Variants in CADPS observed in about 807,000 individuals in gnomAD.
CADPS encodes calcium dependent secretion activator.
CADPS carries 57 observed loss-of-function variants against 167.3 expected under a neutral mutation model. The ratio of observed to expected loss-of-function variants is 0.34; its 90% confidence interval spans 0.28 to 0.42. The LOEUF is 0.42. Among genes scored for constraint, CADPS ranks in the 20% least tolerant of loss-of-function variants. The pLI is 1.00. For missense variants in CADPS, 1,414 were observed against 1,738.1 expected, an observed-to-expected ratio of 0.81 and a Z score of 3.32; for synonymous variants, 676 against 635.3, an observed-to-expected ratio of 1.06 and a Z score of -0.96.
chr3:62,753,419 G>A lies in CADPS; in HGVS notation c.888+22C>T. On this transcript the variant is annotated intron_variant, in intron 3 of 29. Transcript: ENST00000383710. The surrounding 1 kb of genome is among the most constrained non-coding windows in gnomAD (Gnocchi z 4.6). ...CAGCTCTGCTTACCCACAGCTCTAGGCCCAGGCGAGAAACACCTTACCTGG... is the reference window on the plus strand; with the variant it reads ...CAGCTCTGCTTACCCACAGCTCTAGACCCAGGCGAGAAACACCTTACCTGG... 6.4e-7 allele frequency: 1 copy of A among 1,572,058 alleles called. No homozygotes were observed. The highest frequency in any genetic ancestry group is 8.7e-7 in the Non-Finnish European group (1 of 1,148,268).
At chr3:62,694,872 A>T (rs1177409591) in intron 3 of CADPS, among the ~76,000 whole-genome samples, 2 of 152,090 alleles carry the variant, frequency 1.3e-5, no homozygotes, top group East Asian at 3.9e-4. Flanking sequence ...GTCTTACAGA[A>T]TGAAGTAGAT....
chr3:62,749,982 A>G (rs757550829), intron 3 of CADPS, among the ~76,000 whole-genome samples: 9 of 152,196 alleles, frequency 5.9e-5, no homozygotes, highest in Non-Finnish European at 1.2e-4. Context: ...ACTTTAATGC[A>G]TATTATTTTT....
intron 7 of CADPS, among the ~76,000 whole-genome samples, chr3:62,590,572 T>C (rs1362926646): frequency 6.6e-6 from 1 of 152,180 alleles, no homozygotes; most frequent in Non-Finnish European, 1.5e-5. Context: ...TCTCCATCTG[T>C]AGTCTATGCT....
chr3:62,608,158 G>A (rs2060953137), intron 6 of CADPS, among the ~76,000 whole-genome samples: 1 of 152,012 alleles, frequency 6.6e-6, no homozygotes, highest in Admixed American at 6.5e-5. Context: ...CTGGGGCTAT[G>A]TTAAGTTCAC....
intron 1 of CADPS, chr3:62,779,566 A>C (rs1476182424): frequency 1.1e-5 from 6 of 532,616 alleles, no homozygotes; most frequent in Non-Finnish European, 2.3e-5. Context: ...TGCCAGGCTT[A>C]TGGGACATAA....
intron 21 of CADPS, among the ~76,000 whole-genome samples, chr3:62,488,491 TA>T (rs1269622154): frequency 1.1e-4 from 17 of 151,024 alleles, no homozygotes; most frequent in Admixed American, 4.0e-4. Context: ...TTTATTTATT[TA>T]TTTATTATTA....
chr3:62,721,967 T>C (rs954815766), intron 3 of CADPS, among the ~76,000 whole-genome samples: 2 of 152,110 alleles, frequency 1.3e-5, no homozygotes, highest in Non-Finnish European at 2.9e-5. Flanking sequence ...ACCACAGTAA[T>C]AGAAAGCACG....
intron 1 of CADPS, among the ~76,000 whole-genome samples, chr3:62,854,672 C>T (rs969353457): frequency 1.3e-5 from 2 of 152,058 alleles, no homozygotes; most frequent in East Asian, 1.9e-4. Flanking sequence ...ATTGTGTAGT[C>T]GTAAGTAACA....
chr3:62,742,093 G>T (rs977857471), intron 3 of CADPS, among the ~76,000 whole-genome samples: 1 of 152,100 alleles, frequency 6.6e-6, no homozygotes, highest in Admixed American at 6.6e-5. Flanking sequence ...TCTACAAGGA[G>T]AACCACAAAT....
chr3:62,668,946 G>T (rs1212138165), intron 3 of CADPS, among the ~76,000 whole-genome samples: 15 of 152,324 alleles, frequency 9.8e-5, no homozygotes, highest in African/African-American at 3.6e-4. Context: ...CTAACTTCTA[G>T]TTTGCTCTGT....
chr3:62,494,378 C>T (rs1376448311), intron 18 of CADPS, among the ~76,000 whole-genome samples: 5 of 152,182 alleles, frequency 3.3e-5, no homozygotes, highest in Non-Finnish European at 7.3e-5. Flanking sequence ...GAAGTTCCAT[C>T]TCCACCCCTG....
chr3:62,562,560 C>G (rs369006374), intron 9 of CADPS, among the ~76,000 whole-genome samples: 9 of 152,280 alleles, frequency 5.9e-5, no homozygotes, highest in Admixed American at 4.6e-4. Flanking sequence ...GTCTCAGACT[C>G]CTAGCCTCAG....
At chr3:62,538,703 C>T (rs1008428702) in intron 11 of CADPS, among the ~76,000 whole-genome samples, 1 of 152,118 alleles carries the variant, frequency 6.6e-6, no homozygotes, top group Admixed American at 6.6e-5. Flanking sequence ...TACAACTGGT[C>T]ATTTAGCTCA....
At chr3:62,786,818 A>G (rs1468022144) in intron 1 of CADPS, among the ~76,000 whole-genome samples, 1 of 152,136 alleles carries the variant, frequency 6.6e-6, no homozygotes, top group Non-Finnish European at 1.5e-5. Flanking sequence ...TTATTGAATA[A>G]TAACAAGAGA....
chr3:62,802,594 G>T (rs551975171), intron 1 of CADPS, among the ~76,000 whole-genome samples: 1 of 152,112 alleles, frequency 6.6e-6, no homozygotes, highest in Non-Finnish European at 1.5e-5. Context: ...GATGAGGGTC[G>T]ATTTAGAGAC....
intron 1 of CADPS, among the ~76,000 whole-genome samples, chr3:62,783,618 A>G (rs575697331): frequency 1.1e-4 from 17 of 152,338 alleles, no homozygotes; most frequent in Non-Finnish European, 2.1e-4. Context: ...AGACACAATT[A>G]TAAAGTTAGG....
At chr3:62,629,142 T>C (rs1234382931) in intron 6 of CADPS, among the ~76,000 whole-genome samples, 1 of 152,192 alleles carries the variant, frequency 6.6e-6, no homozygotes, top group Non-Finnish European at 1.5e-5. Flanking sequence ...ATCATTTACA[T>C]ATCATAAAAT....
At chr3:62,429,593 G>A (rs1480030962) in intron 28 of CADPS, among the ~76,000 whole-genome samples, 1 of 151,910 alleles carries the variant, frequency 6.6e-6, no homozygotes. Flanking sequence ...CACAAAATGT[G>A]CTTTGGCTAC....
At position 62,465,292 on chromosome 3, in the gene CADPS, A is replaced by G; in HGVS notation, c.3636+75T>C. On this transcript the variant is annotated intron_variant, in intron 26 of 29. Transcript: ENST00000383710. This position sits in a 1 kb window ranked among gnomAD's most constrained non-coding sequence, Gnocchi z 4.1. ...CACACCCATCCCAAAACAAAATGAC[A>G]CAACATAACTCCTCTCCCAAGCCGA... 2.9e-6 allele frequency: 3 copies of G among 1,031,832 alleles called. No individual in the cohort carries two copies. The highest frequency in any genetic ancestry group is 4.4e-6 in the Non-Finnish European group (3 of 685,930). The allele number at this position is 1,031,832 out of a possible 1,614,324, so 63.9% of individuals were successfully genotyped here.
Sources: gnomAD v4.1 joint callset for allele counts (sites outside exome capture counted in the v4.1 genomes callset) on GRCh38, gnomAD v4.1.1 for gene constraint, Gnocchi (gnomAD v3.1) non-coding constraint, MANE v1.5 for transcripts, NCBI Gene and HGNC (gene_info 2026-07-23, HGNC 2026-07-21) for gene names.